Variants in ANKH observed in about 807,000 individuals in gnomAD.
ANKH encodes mineralization regulator ANKH.
In ANKH, 15 loss-of-function variants were observed where a neutral mutation model predicts 49.0. The ratio of observed to expected loss-of-function variants is 0.31; its 90% CI spans 0.20 to 0.47. The LOEUF (loss-of-function observed/expected upper bound fraction) is 0.47. Among genes scored for constraint, ANKH ranks in the 20% least tolerant of loss-of-function variants. The pLI, the probability that ANKH is intolerant of heterozygous loss-of-function variation, is 1.00. For missense variants in ANKH, 429 were observed against 652.0 expected (o/e 0.66, Z 3.72); for synonymous variants, 273 against 260.0 (o/e 1.05, Z -0.48).
At chr5:14,787,485 C>A (rs1417400969) in intron 1 of ANKH, among the ~76,000 whole-genome samples, 1 of 152,108 alleles carries the variant, frequency 6.6e-6, no homozygotes, top group East Asian at 1.9e-4. Flanking sequence ...ATACACCAAG[C>A]TGTTCATCCT....
chr5:14,716,656 T>C lies in ANKH; in HGVS notation c.1141+50A>G, dbSNP rs779593990. On this transcript the variant is annotated intron_variant, in intron 9 of 11. Coordinates refer to ENST00000284268, the MANE Select transcript of ANKH (RefSeq NM_054027.6). ...CAAACATTTCCAAAGAAAGATTTAA[T>C]TAGGCATGAGGATAAACAGGAATGC... 55 of 1,610,616 alleles carry C rather than the reference T, an allele frequency of 3.4e-5. No homozygotes were observed. In the South Asian group the frequency reaches 5.6e-4, roughly 16 times the overall value.
intron 8 of ANKH, among the ~76,000 whole-genome samples, chr5:14,721,753 A>AC (rs1388629410): frequency 6.6e-6 from 1 of 151,798 alleles, no homozygotes; most frequent in Non-Finnish European, 1.5e-5. Flanking sequence ...ACACGGTGAA[A>AC]CCCCATCTCT....
intron 8 of ANKH, among the ~76,000 whole-genome samples, chr5:14,731,403 G>A (rs115839229): frequency 0.035 from 5,382 of 152,234 alleles, 125 homozygotes; most frequent in Non-Finnish European, 0.048. Context: ...TCAAGAAAAA[G>A]AGCTGTAAAA....
Position 14,713,028 on chromosome 5 carries a change from C to T in ANKH, c.1266-55G>A. On this transcript the variant is annotated intron_variant, in intron 10 of 11. Transcript: ENST00000284268. The surrounding 1 kb of genome is among the most constrained non-coding windows in gnomAD (Gnocchi z 4.4). ...CTGTTAAGGCCAAGTCAAGGCACAA[C>T]CGTCGATGCCAAAACCCAGGAAAGT... 2 of 1,523,504 alleles carry T rather than the reference C, an allele frequency of 1.3e-6. No individual in the cohort carries two copies. The highest frequency in any genetic ancestry group is 3.7e-5 in the Admixed American group (2 of 54,202). 94.4% of individuals were successfully genotyped at this position (1,523,504 alleles called of 1,614,324 possible).
intron 1 of ANKH, among the ~76,000 whole-genome samples, chr5:14,807,105 T>C (rs1002477919): frequency 1.1e-4 from 17 of 150,110 alleles, no homozygotes; most frequent in African/African-American, 4.2e-4. Context: ...TGGTCTGCCA[T>C]GATATTTCTT....
chr5:14,784,405 G>A (rs1029993265), intron 1 of ANKH, among the ~76,000 whole-genome samples: 2 of 152,158 alleles, frequency 1.3e-5, no homozygotes, highest in African/African-American at 2.4e-5. Context: ...AGGGTGGGGC[G>A]GCAGGGGCAG....
At chr5:14,788,969 C>T (rs2126540678) in intron 1 of ANKH, among the ~76,000 whole-genome samples, 1 of 152,338 alleles carries the variant, frequency 6.6e-6, no homozygotes, top group East Asian at 1.9e-4. Context: ...TGGCTCACGC[C>T]TGTAATCCCA....
chr5:14,855,848 G>GAAAAAA (rs796584176), intron 1 of ANKH, among the ~76,000 whole-genome samples: 10 of 119,884 alleles, frequency 8.3e-5, no homozygotes, highest in Admixed American at 1.7e-4. Context: ...AAAAGAAAAA[G>GAAAAAA]AAAAAAAAAA....
At chr5:14,771,591 G>C (rs750877211) in intron 1 of ANKH, among the ~76,000 whole-genome samples, 2 of 152,034 alleles carry the variant, frequency 1.3e-5, no homozygotes, top group African/African-American at 2.4e-5. Context: ...GGTCTGATAC[G>C]ACAGTAAGGT....
intron 8 of ANKH, among the ~76,000 whole-genome samples, chr5:14,720,286 T>TG (rs1165845411): frequency 6.6e-6 from 1 of 152,196 alleles, no homozygotes; most frequent in African/African-American, 2.4e-5. Flanking sequence ...ACCCCATCTT[T>TG]GACATGAAGG....
At chr5:14,747,860 C>T (rs1239981870) in intron 6 of ANKH, among the ~76,000 whole-genome samples, 1 of 152,132 alleles carries the variant, frequency 6.6e-6, no homozygotes, top group African/African-American at 2.4e-5. Flanking sequence ...CATCGCTCCC[C>T]AGCTGTGCGA....
chr5:14,867,518 C>T (rs1005527604), intron 1 of ANKH, among the ~76,000 whole-genome samples: 6 of 151,650 alleles, frequency 4.0e-5, no homozygotes, highest in Non-Finnish European at 7.4e-5. Context: ...ATAATATAAA[C>T]GTTTCTTCAG....
At chr5:14,832,596 A>AT (rs1487352251) in intron 1 of ANKH, among the ~76,000 whole-genome samples, 1 of 152,226 alleles carries the variant, frequency 6.6e-6, no homozygotes, top group Non-Finnish European at 1.5e-5. Flanking sequence ...ATTCTAATAG[A>AT]TTTATTTAAA....
At chr5:14,811,043 C>A (rs1176123382) in intron 1 of ANKH, among the ~76,000 whole-genome samples, 1 of 152,142 alleles carries the variant, frequency 6.6e-6, no homozygotes, top group Non-Finnish European at 1.5e-5. Flanking sequence ...AAAGATAAAT[C>A]ATGGTCCTGC....
chr5:14,760,837 T>G (rs969772600), intron 2 of ANKH, among the ~76,000 whole-genome samples: 1 of 152,226 alleles, frequency 6.6e-6, no homozygotes, highest in Non-Finnish European at 1.5e-5. Flanking sequence ...CTGGGGACTA[T>G]GGAATTGGTG....
chr5:14,833,479 G>C (rs1741564281), intron 1 of ANKH, among the ~76,000 whole-genome samples: 1 of 152,174 alleles, frequency 6.6e-6, no homozygotes, highest in Non-Finnish European at 1.5e-5. Flanking sequence ...ATGGCATTTA[G>C]AGCACAGGAG....
In ANKH at chr5:14,709,909, C is replaced by T. The variant is rs1185110456; in HGVS notation, c.*1288G>A. 6.6e-6 allele frequency: 1 copy of T among 152,496 alleles called. No individual in the cohort carries two copies. Among genetic ancestry groups the T allele is most frequent in the Non-Finnish European group, 1.5e-5 (1 of 68,032 alleles). The allele number at this position is 152,496 out of a possible 1,614,324, so 9.4% of individuals were successfully genotyped here. ...TAACATATACAGCATATATTTATAT[C>T]TTTAAAATATTTTTTTTTTTAGGTT... On this transcript the variant is annotated 3_prime_UTR_variant, in exon 12 of 12. Transcript: ENST00000284268.
At chr5:14,822,089 T>C (rs1264254039) in intron 1 of ANKH, among the ~76,000 whole-genome samples, 2 of 152,218 alleles carry the variant, frequency 1.3e-5, no homozygotes, top group African/African-American at 2.4e-5. Context: ...AGTCAAGCCA[T>C]TGATGGACCC....
At chr5:14,779,004 T>C (rs1739723738) in intron 1 of ANKH, among the ~76,000 whole-genome samples, 1 of 152,180 alleles carries the variant, frequency 6.6e-6, no homozygotes, top group Non-Finnish European at 1.5e-5. Context: ...CATTCCTTCT[T>C]ACTCAGCAGA....
Sources: allele counts gnomAD v4.1 joint callset (sites outside exome capture counted in the v4.1 genomes callset), GRCh38; gene constraint gnomAD v4.1.1; non-coding constraint Gnocchi (gnomAD v3.1); transcripts MANE v1.5; gene names NCBI Gene and HGNC (gene_info 2026-07-23, HGNC 2026-07-21).